The following C1orf21 variants were observed in gnomAD, a reference collection of about 807,000 sequenced individuals.
C1orf21 encodes chromosome 1 open reading frame 21.
Under a neutral mutation model 18.7 loss-of-function variants are expected in C1orf21, and 3 were observed. The observed-to-expected ratio is 0.16, with a 90% confidence interval of 0.07 to 0.42. C1orf21 has a LOEUF of 0.42. Ranked by LOEUF, C1orf21 falls within the 10% of genes least tolerant of loss-of-function variation. The probability of loss-of-function intolerance (pLI) is 0.99; values close to 1 mark genes in which losing one functional copy is unlikely to be tolerated. For synonymous variants in C1orf21, 41 were observed against 46.4 expected, an observed-to-expected ratio of 0.88 and a Z score of 0.47; for missense variants, 104 against 143.6, an observed-to-expected ratio of 0.72 and a Z score of 1.41.
chr1:184,463,339 C>A (rs1459613194), intron 1 of C1orf21, among the ~76,000 whole-genome samples: 4 of 152,040 alleles, frequency 2.6e-5, no homozygotes, highest in African/African-American at 9.7e-5. Context: ...CTCTTCTATT[C>A]ATAATTTTTA....
intron 3 of C1orf21, among the ~76,000 whole-genome samples, chr1:184,554,474 G>A (rs1658852127): frequency 1.3e-5 from 2 of 152,082 alleles, no homozygotes; most frequent in Non-Finnish European, 2.9e-5. Flanking sequence ...GGATATTTTG[G>A]TTTCCAAAAA....
intron 5 of C1orf21, among the ~76,000 whole-genome samples, chr1:184,604,142 A>C (rs567289468): frequency 3.9e-4 from 60 of 152,340 alleles, no homozygotes; most frequent in Non-Finnish European, 7.6e-4. Context: ...TAGTCTATTA[A>C]ACCTCAGAGT....
At chr1:184,532,983 AC>A (rs998365573) in intron 3 of C1orf21, among the ~76,000 whole-genome samples, 3 of 152,198 alleles carry the variant, frequency 2.0e-5, no homozygotes, top group African/African-American at 7.2e-5. Context: ...CAAGCTTCTT[AC>A]CACCATCATG....
intron 1 of C1orf21, among the ~76,000 whole-genome samples, chr1:184,443,689 C>T (rs1048359423): frequency 2.9e-4 from 44 of 152,162 alleles, no homozygotes; most frequent in African/African-American, 1.0e-3. Context: ...TCTATCCTCC[C>T]TCAAGCCTGC....
chr1:184,479,580 T>A (rs897054168), intron 2 of C1orf21, among the ~76,000 whole-genome samples: 2 of 151,818 alleles, frequency 1.3e-5, no homozygotes, highest in Non-Finnish European at 2.9e-5. Context: ...TTTCTCCATG[T>A]TGTTTCCTGA....
intron 3 of C1orf21, chr1:184,566,915 A>G (rs1659042663): frequency 3.9e-6 from 2 of 515,142 alleles, no homozygotes; most frequent in African/African-American, 1.9e-5. Context: ...TCTCCATCCT[A>G]TAATACCATC....
chr1:184,412,905 C>G (rs925398177), intron 1 of C1orf21, among the ~76,000 whole-genome samples: 3 of 152,178 alleles, frequency 2.0e-5, no homozygotes, highest in African/African-American at 7.2e-5. Flanking sequence ...AGAAATTTCT[C>G]CTTGTGAAGG....
At chr1:184,470,250 C>A (rs376613323) in intron 1 of C1orf21, among the ~76,000 whole-genome samples, 3 of 152,096 alleles carry the variant, frequency 2.0e-5, no homozygotes, top group African/African-American at 4.8e-5. Context: ...AAAAGCCCCA[C>A]GTCTGATTAG....
intron 3 of C1orf21, among the ~76,000 whole-genome samples, chr1:184,569,180 G>A (rs1459172029): frequency 6.6e-6 from 1 of 152,194 alleles, no homozygotes; most frequent in Admixed American, 6.5e-5. Context: ...CAAGCCTGAT[G>A]GAGTGTACCA....
chr1:184,462,154 C>G (rs185081035), intron 1 of C1orf21, among the ~76,000 whole-genome samples: 79 of 152,282 alleles, frequency 5.2e-4, no homozygotes, highest in African/African-American at 1.9e-3. Flanking sequence ...TCCTGTCTTC[C>G]TCATTCGATG....
intron 1 of C1orf21, among the ~76,000 whole-genome samples, chr1:184,396,877 T>G (rs1030489556): frequency 6.6e-6 from 1 of 152,232 alleles, no homozygotes; most frequent in Non-Finnish European, 1.5e-5. Flanking sequence ...ACTGTATTTG[T>G]TTTTGATCCT....
At chr1:184,416,425 A>G (rs1230101358) in intron 1 of C1orf21, among the ~76,000 whole-genome samples, 3 of 152,280 alleles carry the variant, frequency 2.0e-5, no homozygotes, top group East Asian at 1.9e-4. Context: ...TTTATTATAT[A>G]TGTGCCTATG....
chr1:184,573,591 G>A (rs1659144419), intron 3 of C1orf21, among the ~76,000 whole-genome samples: 1 of 152,160 alleles, frequency 6.6e-6, no homozygotes, highest in African/African-American at 2.4e-5. Context: ...GCCTCAAAGA[G>A]CATGTTTACG....
At chr1:184,584,059 C>T (rs1314005222) in intron 3 of C1orf21, among the ~76,000 whole-genome samples, 2 of 151,648 alleles carry the variant, frequency 1.3e-5, no homozygotes, top group Admixed American at 6.6e-5. Context: ...TAGTGAACCA[C>T]GTGTCTCACT....
At chr1:184,508,430 T>C (rs1295139667) in intron 3 of C1orf21, among the ~76,000 whole-genome samples, 1 of 152,182 alleles carries the variant, frequency 6.6e-6, no homozygotes, top group East Asian at 1.9e-4. Context: ...TATATTTGCT[T>C]TTTTCATAAC....
chr1:184,497,158 C>T (rs1657905273), intron 2 of C1orf21, among the ~76,000 whole-genome samples: 1 of 152,196 alleles, frequency 6.6e-6, no homozygotes, highest in South Asian at 2.1e-4. Context: ...TACAAACAAA[C>T]TGAGCAGAAT....
rs1659837601 is a variant in C1orf21, at chr1:184,617,089, TAGC to T, written c.328-2426_328-2424del. ...ATAATAACAACAATTACAATAATAG[TAGC>T]AGTAGTAGTAATAGTAGCATTAGCT... On this transcript the variant is annotated intron_variant, in intron 5 of 5. Coordinates refer to ENST00000235307, the MANE Select transcript of C1orf21 (RefSeq NM_030806.4). Among the ~76,000 whole-genome samples the T allele has an allele frequency of 2.0e-5, 3 of 152,134 alleles. No individual in the cohort carries two copies. The South Asian group carries it at 6.2e-4, about 32-fold the overall frequency.
chr1:184,472,569 C>CT (rs1034725136), intron 1 of C1orf21, among the ~76,000 whole-genome samples: 1 of 151,580 alleles, frequency 6.6e-6, no homozygotes, highest in Non-Finnish European at 1.5e-5. Context: ...TTCCTGTAGC[C>CT]TTTTTTTAAA....
chr1:184,607,903 ATATT>A lies in C1orf21; in HGVS notation c.327+9447_327+9450del, dbSNP rs142560876. Among the ~76,000 whole-genome samples, 1,136 of 152,266 alleles carry A rather than the reference ATATT, an allele frequency of 7.5e-3. 15 individuals carry two copies. Among genetic ancestry groups the A allele is most frequent in the African/African-American group, 0.026 (1,093 of 41,550 alleles). On this transcript the variant is annotated intron_variant, in intron 5 of 5. Coordinates refer to ENST00000235307, the MANE Select transcript of C1orf21 (RefSeq NM_030806.4). ...TTGTTTATAGATGGACATTCAACAA[ATATT>A]TATTAAGCACCATCAGTTTTTACAT... is the stretch of plus-strand genomic sequence containing the variant.
Sources: allele counts gnomAD v4.1 joint callset (sites outside exome capture counted in the v4.1 genomes callset), GRCh38; gene constraint gnomAD v4.1.1; transcripts MANE v1.5; gene names NCBI Gene and HGNC (gene_info 2026-07-23, HGNC 2026-07-21).